Variants in ADGRG6 observed in about 807,000 individuals in gnomAD.
ADGRG6 encodes the protein adhesion G protein-coupled receptor G6.
A neutral mutation model predicts 142.4 loss-of-function variants in ADGRG6; 84 were observed. The observed-to-expected ratio is 0.59, with a 90% CI of 0.49 to 0.71. The LOEUF is 0.71. ADGRG6 is among the 30% of genes least tolerant of loss of function. ADGRG6 has a pLI of 0.00. For missense variants in ADGRG6, 1,367 were observed against 1,466.6 expected, an observed-to-expected ratio of 0.93 and a Z score of 1.11; for synonymous variants, 521 against 520.5, an observed-to-expected ratio of 1.00 and a Z score of -0.01.
intron 6 of ADGRG6, among the ~76,000 whole-genome samples, chr6:142,387,468 C>T (rs2114956123): frequency 6.6e-6 from 1 of 152,232 alleles, no homozygotes; most frequent in East Asian, 1.9e-4. Flanking sequence ...CTTTTTATGC[C>T]ATATGTCTTA....
intron 2 of ADGRG6, among the ~76,000 whole-genome samples, chr6:142,336,341 A>C (rs1779314960): frequency 6.6e-6 from 1 of 152,158 alleles, no homozygotes; most frequent in African/African-American, 2.4e-5. Flanking sequence ...CCTTTTTCTA[A>C]GATTGATTTT....
At chr6:142,381,301 A>T (rs1292129313) in intron 4 of ADGRG6, among the ~76,000 whole-genome samples, 1 of 152,198 alleles carries the variant, frequency 6.6e-6, no homozygotes, top group Non-Finnish European at 1.5e-5. Context: ...TGTGTTTATG[A>T]TACAATATGC....
chr6:142,339,040 A>C (rs1444067234), intron 2 of ADGRG6, among the ~76,000 whole-genome samples: 1 of 152,170 alleles, frequency 6.6e-6, no homozygotes, highest in Admixed American at 6.5e-5. Context: ...ATACTCTTAA[A>C]ACTTCACATC....
Position 142,402,635 on chromosome 6 carries a change from T to G in ADGRG6, c.1760T>G (p.Val587Gly). The change falls in exon 13 of 25, where the codon GTT becomes GGT. Residue 587 changes from valine (V) to glycine (G), a missense_variant. By Grantham distance (109) the Val-to-Gly change is moderately radical (BLOSUM62 -3). This residue lies in a region of ADGRG6 where 737 missense variants were observed against 746.5 expected (regional missense o/e 0.99). Transcript: ENST00000367609. ...TTTGTTTTAGAAGAAGCAAATGAAG[T>G]TGCTAACCAGATTTTAAATTTAACT... ...ISNCLKEANE[V>G]ANQILNLTAD... The G allele has an allele frequency of 6.3e-7, 1 of 1,587,638 alleles. No homozygotes were observed. The highest frequency in any genetic ancestry group is 8.6e-7 in the Non-Finnish European group (1 of 1,160,680).
intron 2 of ADGRG6, among the ~76,000 whole-genome samples, chr6:142,328,827 T>C (rs528691289): frequency 1.3e-5 from 2 of 152,294 alleles, no homozygotes; most frequent in Admixed American, 6.5e-5. Flanking sequence ...TTAGCTAAAA[T>C]TGGACTGTTT....
chr6:142,315,779 C>T (rs1360114519), intron 2 of ADGRG6, among the ~76,000 whole-genome samples: 5 of 151,140 alleles, frequency 3.3e-5, no homozygotes, highest in South Asian at 2.1e-4. Context: ...TGCAGTGAGC[C>T]GAGATCGTGC....
chr6:142,345,141 C>T (rs1225765363), intron 2 of ADGRG6, among the ~76,000 whole-genome samples: 1 of 151,962 alleles, frequency 6.6e-6, no homozygotes, highest in Non-Finnish European at 1.5e-5. Flanking sequence ...TTTTACATGA[C>T]TAAAACATTT....
chr6:142,439,269 G>A (rs1263247856), intron 24 of ADGRG6, among the ~76,000 whole-genome samples: 1 of 152,208 alleles, frequency 6.6e-6, no homozygotes, highest in Non-Finnish European at 1.5e-5. Context: ...CTGGCAGACA[G>A]CTGTCAACAT....
chr6:142,318,421 TTTATATA>T (rs1179008488), intron 2 of ADGRG6, among the ~76,000 whole-genome samples: 1 of 122,378 alleles, frequency 8.2e-6, no homozygotes, highest in Non-Finnish European at 1.6e-5. Flanking sequence ...ATATAATATA[TTTATATA>T]TTATATATTT....
At chr6:142,372,906 G>A (rs748603588) in intron 4 of ADGRG6, among the ~76,000 whole-genome samples, 12 of 152,126 alleles carry the variant, frequency 7.9e-5, no homozygotes, top group Non-Finnish European at 1.8e-4. Flanking sequence ...CTTTTTATGG[G>A]ACAATGTTTT....
rs537317743 is a variant in ADGRG6, at chr6:142,318,516, T to C, written c.103+8872T>C. On this transcript the variant is annotated intron_variant, in intron 2 of 24. Coordinates refer to ENST00000367609, the MANE Select transcript of ADGRG6 (RefSeq NM_198569.3). The stretch of plus-strand genomic sequence containing the variant: ...TTAATGTTAAGGAATTTTAGTGTTA[T>C]TGGGGAGACTAACGTGAGAAAAAAT... Among the ~76,000 whole-genome samples, 4 of 145,812 alleles carry C rather than the reference T, an allele frequency of 2.7e-5. No homozygotes were observed. In the South Asian group the frequency reaches 8.4e-4, roughly 31 times the overall value.
intron 14 of ADGRG6, among the ~76,000 whole-genome samples, chr6:142,404,635 C>T (rs760512148): frequency 5.9e-5 from 9 of 151,990 alleles, no homozygotes; most frequent in Non-Finnish European, 1.3e-4. Flanking sequence ...CAGAGCAAGA[C>T]TCTGTCTCAA....
At chr6:142,351,399 G>A (rs1147842) in intron 2 of ADGRG6, among the ~76,000 whole-genome samples, 1,593 of 152,052 alleles carry the variant, frequency 0.01, 15 homozygotes, top group Non-Finnish European at 0.017. Flanking sequence ...AAATAAAGCC[G>A]CACACCTACA....
intron 2 of ADGRG6, among the ~76,000 whole-genome samples, chr6:142,326,603 T>A (rs530791780): frequency 2.1e-4 from 32 of 152,158 alleles, no homozygotes; most frequent in Non-Finnish European, 3.8e-4. Flanking sequence ...AGAGTTTTGT[T>A]CTTATGTACC....
intron 2 of ADGRG6, among the ~76,000 whole-genome samples, chr6:142,340,939 G>A (rs1025032191): frequency 6.6e-6 from 1 of 152,054 alleles, no homozygotes; most frequent in East Asian, 1.9e-4. Flanking sequence ...TTAGGTTGTG[G>A]CACTTTTAAC....
chr6:142,354,847 A>T (rs1780366748), intron 2 of ADGRG6, among the ~76,000 whole-genome samples: 1 of 152,230 alleles, frequency 6.6e-6, no homozygotes, highest in Non-Finnish European at 1.5e-5. Context: ...ATCTACTTAG[A>T]AGCTGTACAA....
At chr6:142,377,385 CG>C (rs1781552596) in intron 4 of ADGRG6, among the ~76,000 whole-genome samples, 1 of 152,180 alleles carries the variant, frequency 6.6e-6, no homozygotes, top group African/African-American at 2.4e-5. Context: ...ATGAATTCCC[CG>C]TGGCTCCACC....
intron 2 of ADGRG6, among the ~76,000 whole-genome samples, chr6:142,365,236 A>G (rs1353485865): frequency 7.9e-5 from 12 of 152,188 alleles, no homozygotes; most frequent in Admixed American, 7.9e-4. Flanking sequence ...GAAACAGCCC[A>G]ACACCCCACC....
At chr6:142,379,974 C>T (rs1781684464) in intron 4 of ADGRG6, among the ~76,000 whole-genome samples, 1 of 152,100 alleles carries the variant, frequency 6.6e-6, no homozygotes, top group African/African-American at 2.4e-5. Context: ...TCAACCAATA[C>T]ATGTAAGATT....
Sources: gnomAD v4.1 joint callset for allele counts (sites outside exome capture counted in the v4.1 genomes callset) on GRCh38, gnomAD v4.1.1 for gene constraint, gnomAD v4.1.1 regional missense constraint, MANE v1.5 for transcripts, NCBI Gene and HGNC (gene_info 2026-07-23, HGNC 2026-07-21) for gene names.